The following QKI variants were observed in gnomAD, a reference collection of about 807,000 sequenced individuals.
QKI encodes the protein QKI, KH domain containing RNA binding.
A neutral mutation model predicts 39.0 loss-of-function variants in QKI; 10 were observed. The observed-to-expected ratio is 0.26, with a 90% CI of 0.16 to 0.43. The LOEUF (loss-of-function observed/expected upper bound fraction) is 0.43. Ranked by LOEUF, QKI falls within the 20% of genes least tolerant of loss-of-function variation. QKI has a pLI of 1.00. For missense variants in QKI, 218 were observed against 428.0 expected, an observed-to-expected ratio of 0.51 and a Z score of 4.33; for synonymous variants, 204 against 155.4, an observed-to-expected ratio of 1.31 and a Z score of -2.33.
At chr6:163,510,937 G>A (rs1026880425) in intron 3 of QKI, among the ~76,000 whole-genome samples, 5 of 152,126 alleles carry the variant, frequency 3.3e-5, no homozygotes, top group African/African-American at 1.2e-4. Flanking sequence ...TCATATTGAT[G>A]TTTATTAAAC....
chr6:163,569,659 T>G, intron 7 of QKI: 4 of 1,002,458 alleles, frequency 4.0e-6, no homozygotes, highest in Non-Finnish European at 4.8e-6. Context: ...ATTTTTAAAG[T>G]TTTTTTGTCC....
chr6:163,568,431 A>T (rs1583235994), intron 7 of QKI: 4 of 985,244 alleles, frequency 4.1e-6, no homozygotes, highest in Non-Finnish European at 4.8e-6. Context: ...GATCTTTTGT[A>T]GTTACGTGTT....
At chr6:163,561,514 A>G (rs1364913907) in intron 4 of QKI, among the ~76,000 whole-genome samples, 3 of 152,162 alleles carry the variant, frequency 2.0e-5, no homozygotes, top group Non-Finnish European at 2.9e-5. Flanking sequence ...AGGCTGAGGT[A>G]GGAGGATGGC....
rs748603503 is a variant in QKI, at chr6:163,563,451, C to T, written c.666C>T (p.Ala222=). The change falls in exon 6 of 8, where the codon GCC becomes GCT. Residue 222 remains alanine, a synonymous_variant. Transcript: ENST00000361752. ...PALAFSLAAT[A]QAAPRIITGP... ...TTGCCTTTTCTCTTGCAGCAACAGC[C>T]CAGGCTGCTCCAAGGATCATTACTG... The T allele has an allele frequency of 1.2e-6, 2 of 1,613,142 alleles. No homozygotes were observed. The highest frequency in any genetic ancestry group is 1.7e-6 in the Non-Finnish European group (2 of 1,179,432).
At position 163,502,042 on chromosome 6, in the gene QKI, G is replaced by A. The variant is rs114327117; in HGVS notation, c.402+23146G>A. On this transcript the variant is annotated intron_variant, in intron 3 of 7. Transcript: ENST00000361752. ...TTATTAAGAGATATTTTATATTCTT[G>A]CCGGGCATGGTGCCTCACACCTGTA... is the stretch of plus-strand genomic sequence containing the variant. Among the ~76,000 whole-genome samples, 484 of 152,208 alleles carry A rather than the reference G, an allele frequency of 3.2e-3. 4 individuals carry two copies. Among genetic ancestry groups the A allele is most frequent in the African/African-American group, 0.011 (458 of 41,520 alleles).
rs1429406561 is a variant in QKI, at chr6:163,577,690, T to G, written c.*6980T>G. 1 of 152,402 alleles carries G rather than the reference T, an allele frequency of 6.6e-6. No individual in the cohort carries two copies. Among genetic ancestry groups the G allele is most frequent in the Non-Finnish European group, 1.5e-5 (1 of 68,048 alleles). The allele number at this position is 152,402 out of a possible 1,614,324, so 9.4% of individuals were successfully genotyped here. A position where few individuals can be genotyped will look rare whatever the true frequency, so the allele number is the denominator to read the frequency against. On this transcript the variant is annotated 3_prime_UTR_variant, in exon 8 of 8. Transcript: ENST00000361752. ...CTCTGGCTCCTGTGGATATCTGTGC[T>G]TGTTTCCTGGTCCAGGATGGTGATC...
At chr6:163,466,335 A>G (rs1488716401) in intron 2 of QKI, among the ~76,000 whole-genome samples, 3 of 152,304 alleles carry the variant, frequency 2.0e-5, no homozygotes, top group East Asian at 1.9e-4. Flanking sequence ...AAAGCAATCT[A>G]TAGATCCAGT....
intron 4 of QKI, among the ~76,000 whole-genome samples, chr6:163,540,241 A>G (rs555856447): frequency 1.0e-3 from 155 of 152,174 alleles, no homozygotes; most frequent in Non-Finnish European, 1.9e-3. Context: ...GGGTCCTAGC[A>G]GGGTGGGGAG....
chr6:163,483,180 T>C (rs1793213792), intron 3 of QKI, among the ~76,000 whole-genome samples: 2 of 152,342 alleles, frequency 1.3e-5, no homozygotes, highest in Non-Finnish European at 1.5e-5. Flanking sequence ...TATACATACC[T>C]TAGTTTAAAA....
chr6:163,483,828 T>C (rs2128226715), intron 3 of QKI, among the ~76,000 whole-genome samples: 1 of 152,338 alleles, frequency 6.6e-6, no homozygotes, highest in East Asian at 1.9e-4. Flanking sequence ...AGAATGGTGA[T>C]TCCTTTCCAG....
At chr6:163,478,701 G>A (rs1583060338) in intron 2 of QKI, 79 bp from the exon 3 acceptor site, 1 of 901,712 alleles carries the variant, frequency 1.1e-6, no homozygotes, top group Non-Finnish European at 1.7e-6. Flanking sequence ...GTAAGTAAAT[G>A]TAGATATACT....
chr6:163,509,910 A>G (rs564763513), intron 3 of QKI, among the ~76,000 whole-genome samples: 12 of 152,070 alleles, frequency 7.9e-5, no homozygotes, highest in Non-Finnish European at 1.8e-4. Context: ...GATTGTCATC[A>G]TGGATTAAAA....
intron 3 of QKI, among the ~76,000 whole-genome samples, chr6:163,523,461 T>C (rs1477968393): frequency 6.6e-6 from 1 of 152,196 alleles, no homozygotes; most frequent in Non-Finnish European, 1.5e-5. Flanking sequence ...GCAAAACATT[T>C]TGGTAGATAT....
intron 1 of QKI, among the ~76,000 whole-genome samples, chr6:163,421,418 T>C (rs2128207491): frequency 6.6e-6 from 1 of 152,282 alleles, no homozygotes; most frequent in South Asian, 2.1e-4. Context: ...ATTTATGGAA[T>C]TATATAGGTA....
At chr6:163,445,331 G>C (rs1252985851) in intron 1 of QKI, among the ~76,000 whole-genome samples, 1 of 152,038 alleles carries the variant, frequency 6.6e-6, no homozygotes, top group African/African-American at 2.4e-5. Flanking sequence ...CTACTCTGTT[G>C]GTTTTTCTGG....
chr6:163,455,479 GAT>G lies in QKI; in HGVS notation c.285+63_285+64del, dbSNP rs1328176319. ...TTCTGCTTCACATATGTTGGGAAGA[GAT>G]ATATTTGGTGGTAAATACTTAAGCA... On this transcript the variant is annotated intron_variant, in intron 2 of 7. Coordinates refer to ENST00000361752, the MANE Select transcript of QKI (RefSeq NM_006775.3). 66 of 1,471,418 alleles carry G rather than the reference GAT, an allele frequency of 4.5e-5. 1 individual carries two copies. The Middle Eastern group carries it at 1.8e-3, about 41-fold the overall frequency. 91.1% of individuals were successfully genotyped at this position (1,471,418 alleles called of 1,614,324 possible). A position where few individuals can be genotyped will look rare whatever the true frequency, so the allele number is the denominator to read the frequency against.
At chr6:163,506,052 A>G (rs1779073999) in intron 3 of QKI, among the ~76,000 whole-genome samples, 1 of 151,946 alleles carries the variant, frequency 6.6e-6, no homozygotes, top group Admixed American at 6.6e-5. Context: ...TGTTTGGCAG[A>G]TGTGTTCCCA....
intron 1 of QKI, among the ~76,000 whole-genome samples, chr6:163,453,194 G>A (rs1790701370): frequency 6.6e-6 from 1 of 150,500 alleles, no homozygotes; most frequent in South Asian, 2.1e-4. Context: ...TATAATAGTA[G>A]ATTTTTCAAT....
intron 3 of QKI, among the ~76,000 whole-genome samples, chr6:163,497,626 A>G (rs1778493542): frequency 7.7e-6 from 1 of 130,258 alleles, no homozygotes; most frequent in Non-Finnish European, 1.6e-5. Context: ...AAATAAGAGT[A>G]GATATTGTTT....
Sources: gnomAD v4.1 joint callset for allele counts (sites outside exome capture counted in the v4.1 genomes callset) on GRCh38, gnomAD v4.1.1 for gene constraint, MANE v1.5 for transcripts, NCBI Gene and HGNC (gene_info 2026-07-23, HGNC 2026-07-21) for gene names.